The following LPO variants were observed in gnomAD, a reference collection of about 807,000 sequenced individuals.
LPO encodes the protein lactoperoxidase.
Under a neutral mutation model 68.4 loss-of-function variants are expected in LPO, and 70 were observed. The ratio of observed to expected loss-of-function variants is 1.02; its 90% CI spans 0.84 to 1.25. LPO has a LOEUF of 1.25. Among genes scored for constraint, LPO ranks in the 50% most tolerant of loss-of-function variants. The pLI is 0.00. For missense variants in LPO, 873 were observed against 908.4 expected, an observed-to-expected ratio of 0.96 and a Z score of 0.50; for synonymous variants, 360 against 357.6, an observed-to-expected ratio of 1.01 and a Z score of -0.08.
At position 58,267,518 on chromosome 17, in the gene LPO, G is replaced by C. The variant is rs540010287; in HGVS notation, c.1863G>C (p.Arg621Ser). Reference protein sequence around the residue: ...IGAIAEPLVERGRVGPLLACL... With the variant: ...IGAIAEPLVESGRVGPLLACL... The stretch of plus-strand genomic sequence containing the variant: ...CCATTGCTGAGCCGCTGGTGGAAAG[G>C]GGTCGGGTGGGGCCTCTCCTGGCCT... Residue 621 changes from arginine to serine, a missense_variant, in exon 12 of 13, where the codon AGG becomes AGC. Coordinates refer to ENST00000262290, the MANE Select transcript of LPO (RefSeq NM_006151.3). The C allele has an allele frequency of 3.1e-6, 5 of 1,614,064 alleles. No individual in the cohort carries two copies. The highest frequency in any genetic ancestry group is 4.2e-6 in the Non-Finnish European group (5 of 1,180,038).
chr17:58,262,126 C>T (rs1970185492), intron 9 of LPO, among the ~76,000 whole-genome samples: 2 of 152,190 alleles, frequency 1.3e-5, no homozygotes, highest in African/African-American at 4.8e-5. Context: ...TCTGAAGGTC[C>T]TGTCCTTCTT....
At chr17:58,252,656 A>G in intron 8 of LPO, 150 bp downstream of exon 8, 1 of 706,406 alleles carries the variant, frequency 1.4e-6, no homozygotes, top group Admixed American at 2.9e-5. Flanking sequence ...AGAAGGGCCC[A>G]GATGAATAAA....
intron 9 of LPO, among the ~76,000 whole-genome samples, chr17:58,258,333 G>A (rs1027998679): frequency 2.0e-5 from 3 of 152,194 alleles, no homozygotes; most frequent in Admixed American, 6.5e-5. Flanking sequence ...GTAAAAGATA[G>A]GGGTCTAGTT....
At chr17:58,242,858 C>A (rs1969781834) in intron 1 of LPO, 120 bp from the exon 2 acceptor site, 1 of 777,764 alleles carries the variant, frequency 1.3e-6, no homozygotes, top group East Asian at 2.5e-5. Flanking sequence ...GTGGTTTCTC[C>A]TTTCCTGTTC....
chr17:58,254,720 G>A (rs574891064), intron 8 of LPO, 91 bp from the exon 9 acceptor site: 26 of 1,327,606 alleles, frequency 2.0e-5, no homozygotes, highest in South Asian at 2.8e-5. Flanking sequence ...GGCGGGGCGC[G>A]GTCCTGTGGG....
At chr17:58,255,067 G>C in intron 9 of LPO, 96 bp downstream of exon 9, 1 of 1,306,138 alleles carries the variant, frequency 7.7e-7, no homozygotes, top group Non-Finnish European at 1.1e-6. Flanking sequence ...TCTCTCCTCT[G>C]TTCCCACACC....
In LPO at chr17:58,247,507, C is replaced by T; in HGVS notation, c.194C>T (p.Pro65Leu). Residue 65 changes from proline (P) to leucine (L), a missense_variant, in exon 4 of 13, where the codon CCC (proline) becomes CTC (leucine). Transcript: ENST00000262290. ...RLKTAMSSET[P>L]TSRQLSEYLK... ...AAGACCGCCATGAGCTCTGAGACTC[C>T]CACCAGCCGACAGCTCTCAGAATAC... The T allele has an allele frequency of 6.2e-7, 1 of 1,614,018 alleles. No homozygotes were observed. Among genetic ancestry groups the T allele is most frequent in the Non-Finnish European group, 8.5e-7 (1 of 1,179,980 alleles).
chr17:58,267,313 C>T, intron 11 of LPO, 36 bp from the exon 12 acceptor site: 1 of 1,557,756 alleles, frequency 6.4e-7, no homozygotes. Context: ...AACAGGAAGT[C>T]CCCGGGATGA....
intron 11 of LPO, 65 bp downstream of exon 11, chr17:58,266,391 C>A: frequency 1.3e-6 from 2 of 1,518,436 alleles, no homozygotes; most frequent in Admixed American, 1.8e-5. Flanking sequence ...CTCCTGGAGA[C>A]TCTCTTCTAT....
rs780533047 is a variant in LPO, at chr17:58,267,831, ACT to A, written c.1981_1982del (p.Leu661ThrfsTer11). 4.3e-6 allele frequency: 7 copies of A among 1,613,754 alleles called. No homozygotes were observed. Among genetic ancestry groups the A allele is most frequent in the Non-Finnish European group, 5.9e-6 (7 of 1,179,960 alleles). ...GGGGTCTTCACGAACGAGCAGAAGGACTCTCTACAGAAAATGTCCTTCTCACG... is the reference window on the plus strand; with the variant it reads ...GGGGTCTTCACGAACGAGCAGAAGGACTCTACAGAAAATGTCCTTCTCACG... On this transcript the variant is annotated frameshift_variant, in exon 13 of 13. Coordinates refer to ENST00000262290, the MANE Select transcript of LPO (RefSeq NM_006151.3). LOFTEE classifies it low-confidence loss of function (END_TRUNC).
chr17:58,244,638 C>G (rs150445344), intron 3 of LPO, among the ~76,000 whole-genome samples: 1 of 152,350 alleles, frequency 6.6e-6, no homozygotes, highest in Non-Finnish European at 1.5e-5. Flanking sequence ...AGAGCCTGTC[C>G]CATCTTGGAG....
At chr17:58,258,891 T>A (rs1222570486) in intron 9 of LPO, among the ~76,000 whole-genome samples, 2 of 152,252 alleles carry the variant, frequency 1.3e-5, no homozygotes, top group Non-Finnish European at 2.9e-5. Flanking sequence ...TACTTGTTCA[T>A]ATATTTTGCC....
In LPO at chr17:58,249,588, GC is replaced by G. The variant is rs1206013316; in HGVS notation, c.468del (p.Asn157ThrfsTer47). Reference protein sequence around the residue: ...NNRRKPALGAANRALARWLPA... With the variant: ...NNRRKPALGAXNRALARWLPA... ...CAGGAGGAAGCCTGCGCTGGGCGCC[GC>G]CAACAGGGCTCTGGCGCGCTGGCTG... On this transcript the variant is annotated frameshift_variant, in exon 6 of 13. Coordinates refer to ENST00000262290, the MANE Select transcript of LPO (RefSeq NM_006151.3). LOFTEE classifies it high-confidence loss of function. The G allele has an allele frequency of 1.1e-5, 18 of 1,603,662 alleles. No individual in the cohort carries two copies. Among genetic ancestry groups the G allele is most frequent in the Non-Finnish European group, 1.5e-5 (18 of 1,179,144 alleles).
chr17:58,241,556 G>A (rs1362106179), intron 1 of LPO, among the ~76,000 whole-genome samples: 2 of 152,148 alleles, frequency 1.3e-5, no homozygotes, highest in East Asian at 3.8e-4. Context: ...GGTGACAGAG[G>A]GATAGGAGGT....
intron 9 of LPO, among the ~76,000 whole-genome samples, chr17:58,262,145 A>G (rs1415903803): frequency 1.3e-5 from 2 of 152,158 alleles, no homozygotes. Context: ...TTCTATTACC[A>G]TTCTTCATGT....
chr17:58,262,376 TTTTG>T (rs961612779), intron 9 of LPO, among the ~76,000 whole-genome samples: 75 of 152,208 alleles, frequency 4.9e-4, no homozygotes, highest in African/African-American at 1.7e-3. Flanking sequence ...TTCACCGATA[TTTTG>T]TTTGTTTGTT....
At chr17:58,241,285 A>G (rs573946173) in intron 1 of LPO, among the ~76,000 whole-genome samples, 5 of 151,370 alleles carry the variant, frequency 3.3e-5, no homozygotes, top group African/African-American at 1.2e-4. Context: ...TAATTCTTGT[A>G]TTTCTAGTAG....
Position 58,266,103 on chromosome 17 carries a change from T to A in LPO, c.1520-50T>A, listed in dbSNP as rs369516952. On this transcript the variant is annotated intron_variant, in intron 10 of 12. Transcript: ENST00000262290. ...AGGCAGAGGCAAGCCATGAATGATG[T>A]TCCCACTCTTCCCCCAACCTAAGCA... The A allele has an allele frequency of 2.6e-4, 410 of 1,570,062 alleles. 2 individuals carry two copies. The African/African-American group carries it at 5.0e-3, about 19-fold the overall frequency.
intron 5 of LPO, 97 bp downstream of exon 5, chr17:58,249,274 C>T: frequency 8.8e-7 from 1 of 1,138,746 alleles, no homozygotes; most frequent in South Asian, 1.4e-5. Context: ...AGATCTGCCA[C>T]TGCCTTGCCC....
Sources: allele counts gnomAD v4.1 joint callset (sites outside exome capture counted in the v4.1 genomes callset), GRCh38; gene constraint gnomAD v4.1.1; transcripts MANE v1.5; gene names NCBI Gene and HGNC (gene_info 2026-07-23, HGNC 2026-07-21).